Variants in SLC67A2 observed in about 807,000 individuals in gnomAD.
SLC67A2 encodes the protein solute carrier family 67 member 2, also known as solute carrier family 67 member A2.
At chr2:102,729,257 A>G in the SLC67A2 span, among the ~76,000 whole-genome samples, 2 of 152,190 alleles carry the variant, frequency 1.3e-5, no homozygotes, top group South Asian at 4.1e-4. Flanking sequence ...TCTGAAAAAA[A>G]GGGTAGAGTC....
chr2:102,731,357 T>C, the SLC67A2 span, among the ~76,000 whole-genome samples: 5 of 152,136 alleles, frequency 3.3e-5, no homozygotes, highest in African/African-American at 1.2e-4. Flanking sequence ...TGATTGTCCT[T>C]CCATCATATG....
the SLC67A2 span, among the ~76,000 whole-genome samples, chr2:102,725,366 A>T: frequency 6.6e-6 from 1 of 152,168 alleles, no homozygotes; most frequent in Admixed American, 6.5e-5. Flanking sequence ...CATATAAGAG[A>T]ACTCTCACTA....
chr2:102,715,095 C>T, the SLC67A2 span, among the ~76,000 whole-genome samples: 5 of 152,304 alleles, frequency 3.3e-5, no homozygotes, highest in South Asian at 4.1e-4. Context: ...CCTGTCCTCG[C>T]GACCAGCTCT....
chr2:102,730,699 T>A, the SLC67A2 span, among the ~76,000 whole-genome samples: 6 of 152,072 alleles, frequency 3.9e-5, no homozygotes, highest in Non-Finnish European at 5.9e-5. Flanking sequence ...CCTGCCACCA[T>A]GCCTGGCTAA....
chr2:102,725,867 C>T, the SLC67A2 span, among the ~76,000 whole-genome samples: 1 of 152,084 alleles, frequency 6.6e-6, no homozygotes, highest in African/African-American at 2.4e-5. Context: ...TAAAAGCAAG[C>T]AGTTTAACAA....
the SLC67A2 span, chr2:102,718,389 A>T: frequency 1.2e-6 from 2 of 1,608,676 alleles, no homozygotes; most frequent in Non-Finnish European, 1.7e-6. Flanking sequence ...AACCATCTCA[A>T]ATTTTGTTGC....
At chr2:102,735,906 T>C in the SLC67A2 span, among the ~76,000 whole-genome samples, 1 of 151,816 alleles carries the variant, frequency 6.6e-6, no homozygotes, top group South Asian at 2.1e-4. Context: ...TGCACACCCT[T>C]TGTCCAAAGG....
the SLC67A2 span, among the ~76,000 whole-genome samples, chr2:102,729,411 A>G: frequency 6.6e-6 from 1 of 152,246 alleles, no homozygotes; most frequent in Non-Finnish European, 1.5e-5. Flanking sequence ...CATTAAAAGA[A>G]TTAACATACA....
At chr2:102,736,731 TTCTGC>T in the SLC67A2 span, 1 of 1,613,894 alleles carries the variant, frequency 6.2e-7, no homozygotes, top group Non-Finnish European at 8.5e-7. Flanking sequence ...GGTTCCTGTC[TTCTGC>T]TCCTGTTTCC....
At chr2:102,734,424 C>T in the SLC67A2 span, among the ~76,000 whole-genome samples, 2 of 152,120 alleles carry the variant, frequency 1.3e-5, no homozygotes, top group African/African-American at 2.4e-5. Context: ...CTTGGAAGTA[C>T]GGATAACTGC....
chr2:102,724,405 G>C, the SLC67A2 span, among the ~76,000 whole-genome samples: 1 of 152,160 alleles, frequency 6.6e-6, no homozygotes, highest in African/African-American at 2.4e-5. Context: ...GTAGAAATTT[G>C]ATAGCACCAT....
the SLC67A2 span, among the ~76,000 whole-genome samples, chr2:102,722,871 T>C: frequency 6.6e-6 from 1 of 152,174 alleles, no homozygotes; most frequent in Non-Finnish European, 1.5e-5. Flanking sequence ...ACCTGCACAG[T>C]GGATACGATT....
the SLC67A2 span, among the ~76,000 whole-genome samples, chr2:102,728,863 TATAAA>T: frequency 1.3e-5 from 2 of 152,182 alleles, no homozygotes; most frequent in Non-Finnish European, 2.9e-5. Context: ...GTGTGCTTAA[TATAAA>T]ATGAGTCATT....
the SLC67A2 span, chr2:102,727,041 A>G: frequency 6.4e-7 from 1 of 1,557,628 alleles, no homozygotes. Context: ...GCAAATGACC[A>G]AAACAAAGTG....
the SLC67A2 span, among the ~76,000 whole-genome samples, chr2:102,715,024 T>C: frequency 6.6e-6 from 1 of 152,126 alleles, no homozygotes; most frequent in East Asian, 1.9e-4. Flanking sequence ...ACTCATCACC[T>C]GGGAATTATT....
At chr2:102,718,310 G>T in the SLC67A2 span, 1 of 1,354,820 alleles carries the variant, frequency 7.4e-7, no homozygotes, top group Non-Finnish European at 1.0e-6. Context: ...ACACCCACCC[G>T]GAAATATTTC....
At chr2:102,729,125 A>G in the SLC67A2 span, among the ~76,000 whole-genome samples, 2 of 152,232 alleles carry the variant, frequency 1.3e-5, no homozygotes, top group African/African-American at 4.8e-5. Flanking sequence ...TGGGTTAAAA[A>G]GGAAATTTTA....
chr2:102,724,019 T>G, the SLC67A2 span: 1 of 923,776 alleles, frequency 1.1e-6, no homozygotes, highest in African/African-American at 1.6e-5. Context: ...CTCTGGTTTC[T>G]TTGGAAGGCA....
chr2:102,714,984 G>T, the SLC67A2 span, among the ~76,000 whole-genome samples: 1 of 152,120 alleles, frequency 6.6e-6, no homozygotes, highest in Admixed American at 6.5e-5. Flanking sequence ...AAGACGCCAA[G>T]CAACCCTTTG....
Sources: allele counts gnomAD v4.1 joint callset (sites outside exome capture counted in the v4.1 genomes callset), GRCh38; gene constraint gnomAD v4.1.1; transcripts MANE v1.5; gene names NCBI Gene and HGNC (gene_info 2026-07-23, HGNC 2026-07-21).